Variants in RBMS3 observed in about 807,000 individuals in gnomAD.
RBMS3 encodes RNA-binding motif, single-stranded-interacting protein 3.
A neutral mutation model predicts 66.8 loss-of-function variants in RBMS3; 27 were observed. That is an observed-to-expected ratio of 0.40 (90% CI 0.30 to 0.56). The LOEUF is 0.56. RBMS3 is among the 20% of genes least tolerant of loss of function. The pLI is 0.40. For synonymous variants in RBMS3, 188 were observed against 183.0 expected, an observed-to-expected ratio of 1.03 and a Z score of -0.22; for missense variants, 513 against 549.5, an observed-to-expected ratio of 0.93 and a Z score of 0.66.
chr3:29,472,308 G>T (rs971198837), intron 2 of RBMS3, among the ~76,000 whole-genome samples: 1 of 150,914 alleles, frequency 6.6e-6, no homozygotes, highest in African/African-American at 2.4e-5. Flanking sequence ...AGCGATTCCC[G>T]CCTCAGCTTC....
intron 10 of RBMS3, among the ~76,000 whole-genome samples, chr3:29,905,257 A>G (rs971188105): frequency 3.9e-5 from 6 of 152,144 alleles, no homozygotes; most frequent in African/African-American, 1.2e-4. Flanking sequence ...CACAGCCTAT[A>G]TTTTGACAAC....
intron 6 of RBMS3, among the ~76,000 whole-genome samples, chr3:29,834,664 C>G (rs1422383591): frequency 6.6e-6 from 1 of 151,790 alleles, no homozygotes; most frequent in Non-Finnish European, 1.5e-5. Context: ...TAAATCAAAG[C>G]GTACCACTAT....
At chr3:29,737,620 T>C (rs1260086464) in intron 4 of RBMS3, among the ~76,000 whole-genome samples, 1 of 152,202 alleles carries the variant, frequency 6.6e-6, no homozygotes, top group Non-Finnish European at 1.5e-5. Flanking sequence ...TGATGAATGG[T>C]GAAATACTAT....
intron 4 of RBMS3, among the ~76,000 whole-genome samples, chr3:29,601,326 T>C (rs1353576073): frequency 6.6e-6 from 1 of 151,980 alleles, no homozygotes; most frequent in Non-Finnish European, 1.5e-5. Context: ...ATCTAAGTAA[T>C]AAAAGTGTAT....
At chr3:29,705,133 C>A (rs1388343441) in intron 4 of RBMS3, among the ~76,000 whole-genome samples, 1 of 152,202 alleles carries the variant, frequency 6.6e-6, no homozygotes, top group African/African-American at 2.4e-5. Flanking sequence ...CGGTGAATAA[C>A]AATCCTATTA....
intron 2 of RBMS3, among the ~76,000 whole-genome samples, chr3:29,478,279 A>T (rs1353447063): frequency 6.6e-6 from 1 of 152,174 alleles, no homozygotes; most frequent in Non-Finnish European, 1.5e-5. Context: ...ATAAAAATTT[A>T]TATTTCACAG....
chr3:29,738,184 G>A (rs1043719681), intron 4 of RBMS3, among the ~76,000 whole-genome samples: 3 of 151,934 alleles, frequency 2.0e-5, no homozygotes, highest in African/African-American at 7.2e-5. Flanking sequence ...TTGGATTCTT[G>A]TTTATTCTAC....
At chr3:29,801,264 C>CT in intron 6 of RBMS3, among the ~76,000 whole-genome samples, 1 of 81,194 alleles carries the variant, frequency 1.2e-5, no homozygotes. Flanking sequence ...AGAATCATTG[C>CT]TTTTTTTCTT....
intron 4 of RBMS3, among the ~76,000 whole-genome samples, chr3:29,634,417 C>T (rs568206304): frequency 6.6e-6 from 1 of 151,844 alleles, no homozygotes; most frequent in South Asian, 2.1e-4. Context: ...TGTCTTTTAC[C>T]TCTGTACATG....
chr3:29,541,694 A>G (rs35905), intron 3 of RBMS3, among the ~76,000 whole-genome samples: 4,480 of 152,024 alleles, frequency 0.029, 97 homozygotes, highest in Middle Eastern at 0.11. Flanking sequence ...CCTCAAAACA[A>G]CTCCAGTGGC....
intron 5 of RBMS3, among the ~76,000 whole-genome samples, chr3:29,759,897 G>C (rs149609812): frequency 5.3e-5 from 8 of 152,176 alleles, no homozygotes; most frequent in Admixed American, 2.0e-4. Flanking sequence ...GTGGTGCAGC[G>C]TAACATGGTT....
At chr3:29,337,082 T>G (rs762340054) in intron 1 of RBMS3, among the ~76,000 whole-genome samples, 1 of 152,140 alleles carries the variant, frequency 6.6e-6, no homozygotes, top group African/African-American at 2.4e-5. Context: ...ATATGGTTAA[T>G]TATTCTTAAC....
rs148032405 is a variant in RBMS3, at chr3:29,469,979, A to C, written c.249-18462A>C. Among the ~76,000 whole-genome samples the C allele has an allele frequency of 6.2e-4, 92 of 147,890 alleles. 1 individual carries two copies. Among genetic ancestry groups the C allele is most frequent in the African/African-American group, 2.2e-3 (89 of 40,904 alleles). ...AATAATTTATATGAAATTATATAAT[A>C]TATAACCTATATTATATAAAATTAT... On this transcript the variant is annotated intron_variant, in intron 2 of 14. Transcript: ENST00000383767.
chr3:29,383,713 T>G (rs184126753), intron 1 of RBMS3, among the ~76,000 whole-genome samples: 99 of 152,324 alleles, frequency 6.5e-4, no homozygotes, highest in African/African-American at 2.3e-3. Flanking sequence ...CAATGTGTTG[T>G]AGTAGCTAAG....
At chr3:29,770,194 G>A (rs1421964999) in intron 6 of RBMS3, among the ~76,000 whole-genome samples, 4 of 151,872 alleles carry the variant, frequency 2.6e-5, no homozygotes, top group Admixed American at 6.6e-5. Context: ...TGATTATGCA[G>A]CACTTTTGCT....
rs1439276586 is a variant in RBMS3 at position 29,479,392 on chromosome 3, T to A, written c.249-9049T>A. On this transcript the variant is annotated intron_variant, in intron 2 of 14. Transcript: ENST00000383767. ...GATATGGAAAATGTTATCAGGTCCATAAAAATTACTGAGAAATTTAAAGAT... is the reference window on the plus strand; with the variant it reads ...GATATGGAAAATGTTATCAGGTCCAAAAAAATTACTGAGAAATTTAAAGAT... 2.6e-5 allele frequency among the ~76,000 whole-genome samples: 4 copies of A among 151,786 alleles called. No individual in the cohort carries two copies. In the East Asian group the frequency reaches 7.8e-4, roughly 29 times the overall value.
rs1252661024 is a variant in RBMS3 at position 29,359,947 on chromosome 3, A to G, written c.76-74796A>G. Among the ~76,000 whole-genome samples, 6 of 151,632 alleles carry G rather than the reference A, an allele frequency of 4.0e-5. No individual in the cohort carries two copies. In the East Asian group the frequency reaches 7.8e-4, roughly 20 times the overall value. ...TTGATTCTTCTCTCTTTTCTTCTTTATTAGTCTTGCTAGCAGTCTGTCAAT... is the reference window on the plus strand; with the variant it reads ...TTGATTCTTCTCTCTTTTCTTCTTTGTTAGTCTTGCTAGCAGTCTGTCAAT... On this transcript the variant is annotated intron_variant, in intron 1 of 14. Transcript: ENST00000383767.
At chr3:29,670,294 A>G (rs2050940769) in intron 4 of RBMS3, among the ~76,000 whole-genome samples, 1 of 152,178 alleles carries the variant, frequency 6.6e-6, no homozygotes, top group Admixed American at 6.5e-5. Flanking sequence ...CAGTTCCAAG[A>G]AGGCCAAATA....
At chr3:29,723,201 C>T (rs57476840) in intron 4 of RBMS3, among the ~76,000 whole-genome samples, 6,639 of 152,072 alleles carry the variant, frequency 0.044, 468 homozygotes, top group African/African-American at 0.15. Context: ...GGTCTCAACT[C>T]CTGACCTCAG....
Sources: allele counts gnomAD v4.1 joint callset (sites outside exome capture counted in the v4.1 genomes callset), GRCh38; gene constraint gnomAD v4.1.1; transcripts MANE v1.5; gene names NCBI Gene and HGNC (gene_info 2026-07-23, HGNC 2026-07-21).